Variants in AKAP6 observed in about 807,000 individuals in gnomAD.
The protein encoded by AKAP6 is A-kinase anchoring protein 6.
In AKAP6, 58 loss-of-function variants were observed where a neutral mutation model predicts 188.5. The observed-to-expected ratio is 0.31, with a 90% CI of 0.25 to 0.38. The LOEUF (loss-of-function observed/expected upper bound fraction) is 0.38, where lower values mean the gene tolerates loss of function less well. Among genes scored for constraint, AKAP6 ranks in the 10% least tolerant of loss-of-function variants. The pLI, the probability that AKAP6 is intolerant of heterozygous loss-of-function variation, is 1.00. For missense variants in AKAP6, 2,710 were observed against 2,740.0 expected, an observed-to-expected ratio of 0.99 and a Z score of 0.24; for synonymous variants, 989 against 998.6, an observed-to-expected ratio of 0.99 and a Z score of 0.18.
intron 7 of AKAP6, among the ~76,000 whole-genome samples, chr14:32,634,200 C>G: frequency 6.6e-6 from 1 of 152,022 alleles, no homozygotes; most frequent in Non-Finnish European, 1.5e-5. Flanking sequence ...CCTATCTAAG[C>G]TTCAATTTCC....
chr14:32,354,861 G>T (rs1887426377), intron 1 of AKAP6, among the ~76,000 whole-genome samples: 1 of 152,200 alleles, frequency 6.6e-6, no homozygotes, highest in South Asian at 2.1e-4. Context: ...TTGCCTTCTG[G>T]CAGCATGCCA....
rs1451884990 is a variant in AKAP6 at position 32,546,099 on chromosome 14, G to A, written c.1446G>A (p.Leu482=). 2 of 1,614,196 alleles carry A rather than the reference G, an allele frequency of 1.2e-6. No homozygotes were observed. Among genetic ancestry groups the A allele is most frequent in the Non-Finnish European group, 1.7e-6 (2 of 1,180,028 alleles). Residue 482 remains leucine (L), a synonymous_variant, in exon 4 of 14, where the codon CTG becomes CTA. Transcript: ENST00000280979. ...KFHIKEISSS[L]GRLNDCYKEK... ...ACATTAAAGAAATTTCTTCCAGCCT[G>A]GGAAGGCTTAACGACTGCTATAAAG...
At chr14:32,408,324 G>A (rs974907818) in intron 1 of AKAP6, among the ~76,000 whole-genome samples, 5 of 152,020 alleles carry the variant, frequency 3.3e-5, no homozygotes, top group South Asian at 2.1e-4. Context: ...TCTTGTAAAC[G>A]TAGTTGTAAA....
chr14:32,738,721 C>G (rs1419345461), intron 11 of AKAP6, among the ~76,000 whole-genome samples: 5 of 152,186 alleles, frequency 3.3e-5, no homozygotes, highest in Admixed American at 2.0e-4. Flanking sequence ...CCCATCCTGT[C>G]ATTCACTGAC....
intron 2 of AKAP6, among the ~76,000 whole-genome samples, chr14:32,470,715 A>G (rs905661980): frequency 6.6e-6 from 1 of 152,248 alleles, no homozygotes. Flanking sequence ...AATTCCTGAC[A>G]ATTGAAGTAG....
intron 2 of AKAP6, among the ~76,000 whole-genome samples, chr14:32,437,748 C>T (rs7153204): frequency 0.27 from 41,521 of 152,032 alleles, 11,856 homozygotes; most frequent in African/African-American, 0.73. Context: ...AAGTGCATGC[C>T]ACTATGCCCA....
intron 2 of AKAP6, among the ~76,000 whole-genome samples, chr14:32,465,409 G>C (rs1259025792): frequency 6.6e-6 from 1 of 152,096 alleles, no homozygotes; most frequent in Non-Finnish European, 1.5e-5. Context: ...CAATGGAACA[G>C]AACAGAGACC....
At chr14:32,550,119 A>G (rs950067050) in intron 4 of AKAP6, among the ~76,000 whole-genome samples, 1 of 152,208 alleles carries the variant, frequency 6.6e-6, no homozygotes, top group Admixed American at 6.5e-5. Flanking sequence ...GCCTTGTTTC[A>G]TCTTTTGTAA....
intron 13 of AKAP6, among the ~76,000 whole-genome samples, chr14:32,827,553 G>C (rs972264500): frequency 3.3e-5 from 5 of 152,114 alleles, no homozygotes; most frequent in African/African-American, 1.2e-4. Context: ...CTAACAGTAT[G>C]CATTTGCACT....
At chr14:32,667,153 T>G (rs1215808765) in intron 7 of AKAP6, among the ~76,000 whole-genome samples, 1 of 152,146 alleles carries the variant, frequency 6.6e-6, no homozygotes, top group Admixed American at 6.6e-5. Flanking sequence ...TAAATTCTGT[T>G]TATCGTGCAT....
intron 1 of AKAP6, among the ~76,000 whole-genome samples, chr14:32,338,602 A>C (rs557217166): frequency 5.5e-4 from 83 of 152,220 alleles, no homozygotes; most frequent in Admixed American, 2.0e-4. Flanking sequence ...GACTTACTCC[A>C]TCTCCTGACA....
chr14:32,785,327 T>G (rs953670104), intron 12 of AKAP6, among the ~76,000 whole-genome samples: 7 of 152,170 alleles, frequency 4.6e-5, no homozygotes, highest in African/African-American at 1.7e-4. Flanking sequence ...AGGGAAAACA[T>G]TTCTTTTGAA....
chr14:32,566,710 G>A (rs144668191), intron 4 of AKAP6, among the ~76,000 whole-genome samples: 31 of 152,180 alleles, frequency 2.0e-4, no homozygotes, highest in African/African-American at 7.0e-4. Context: ...ATCCAATAGT[G>A]TACTCAATTT....
chr14:32,458,299 T>C (rs1469936251), intron 2 of AKAP6, among the ~76,000 whole-genome samples: 1 of 152,152 alleles, frequency 6.6e-6, no homozygotes, highest in Non-Finnish European at 1.5e-5. Context: ...TGTCTCCCTA[T>C]AAACTTGAAG....
intron 4 of AKAP6, among the ~76,000 whole-genome samples, chr14:32,551,948 G>A (rs893284348): frequency 1.3e-5 from 2 of 152,166 alleles, no homozygotes; most frequent in East Asian, 1.9e-4. Context: ...TTATAGGCGT[G>A]AGCCACCACG....
intron 12 of AKAP6, among the ~76,000 whole-genome samples, chr14:32,777,153 T>G (rs2033093341): frequency 6.6e-6 from 1 of 152,180 alleles, no homozygotes; most frequent in Admixed American, 6.5e-5. Context: ...AAAAAAAACT[T>G]AAAAGCAAGA....
chr14:32,682,754 T>C (rs1413163002), intron 8 of AKAP6, among the ~76,000 whole-genome samples: 3 of 152,132 alleles, frequency 2.0e-5, no homozygotes, highest in African/African-American at 7.2e-5. Context: ...TTTGATTCAG[T>C]AGGCAGAAGA....
At chr14:32,413,271 T>G (rs944368626) in intron 1 of AKAP6, among the ~76,000 whole-genome samples, 8 of 148,668 alleles carry the variant, frequency 5.4e-5, no homozygotes, top group Non-Finnish European at 1.2e-4. Context: ...AGCCTTGACC[T>G]CTCAAGATCC....
intron 13 of AKAP6, among the ~76,000 whole-genome samples, chr14:32,826,824 C>T (rs796858051): frequency 1.6e-4 from 24 of 152,272 alleles, no homozygotes; most frequent in African/African-American, 5.3e-4. Context: ...GCAGCCAGCC[C>T]GTCTGCCAGT....
Sources: gnomAD v4.1 joint callset for allele counts (sites outside exome capture counted in the v4.1 genomes callset) on GRCh38, gnomAD v4.1.1 for gene constraint, MANE v1.5 for transcripts, NCBI Gene and HGNC (gene_info 2026-07-23, HGNC 2026-07-21) for gene names.